Variants in DNMT3A observed in about 807,000 individuals in gnomAD.
The protein encoded by DNMT3A is DNA (cytosine-5)-methyltransferase 3A.
A neutral mutation model predicts 117.6 loss-of-function variants in DNMT3A; 267 were observed. That is an observed-to-expected ratio of 2.27 (90% CI 2.05 to 2.51). The LOEUF (loss-of-function observed/expected upper bound fraction) is 2.51, where lower values mean the gene tolerates loss of function less well. Ranked by LOEUF, DNMT3A falls within the 30% of genes most tolerant of loss-of-function variation. The probability of loss-of-function intolerance (pLI) is 0.00; values close to 1 mark genes in which losing one functional copy is unlikely to be tolerated. For synonymous variants in DNMT3A, 432 were observed against 474.8 expected (o/e 0.91, Z 1.17); for missense variants, 1,029 against 1,260.2 (o/e 0.82, Z 2.78).
intron 3 of DNMT3A, 116 bp downstream of exon 3, chr2:25,300,023 T>A: frequency 9.6e-7 from 1 of 1,039,424 alleles, no homozygotes; most frequent in African/African-American, 1.6e-5. Flanking sequence ...GTATACCCCA[T>A]CACCTGGTCT....
rs577210190 is a variant in DNMT3A, at chr2:25,233,887, T to C, written c.*392A>G. 1 of 237,902 alleles carries C rather than the reference T, an allele frequency of 4.2e-6. No homozygotes were observed. The highest frequency in any genetic ancestry group is 5.6e-5 in the Admixed American group (1 of 17,892). 14.7% of individuals were successfully genotyped at this position (237,902 alleles called of 1,614,324 possible). A position where few individuals can be genotyped will look rare whatever the true frequency, so the allele number is the denominator to read the frequency against. On this transcript the variant is annotated 3_prime_UTR_variant, in exon 23 of 23. Transcript: ENST00000321117. ...TTCCTCTGCAAGGTATTGTTACTATTTTTTGTTACTGATTTTTGCTGCAAT... is the reference window on the plus strand; with the variant it reads ...TTCCTCTGCAAGGTATTGTTACTATCTTTTGTTACTGATTTTTGCTGCAAT...
In DNMT3A at chr2:25,231,099, C is replaced by G. The variant is rs13420827; in HGVS notation, c.*3180G>C. 0.21 allele frequency: 31,808 copies of G among 152,280 alleles called. 3,636 individuals carry two copies. The highest frequency in any genetic ancestry group is 0.34 in the Admixed American group (5,239 of 15,284). 9.4% of individuals were successfully genotyped at this position (152,280 alleles called of 1,614,324 possible). A position where few individuals can be genotyped will look rare whatever the true frequency, so the allele number is the denominator to read the frequency against. ...AGCAGTGGCTTGGGAGAGCCTGAGCCTTAGAAGACTCTGTCCTGACCCTGG... is the reference window on the plus strand; with the variant it reads ...AGCAGTGGCTTGGGAGAGCCTGAGCGTTAGAAGACTCTGTCCTGACCCTGG... On this transcript the variant is annotated 3_prime_UTR_variant, in exon 23 of 23. Transcript: ENST00000321117.
At position 25,293,011 on chromosome 2, in the gene DNMT3A, G is replaced by GAA. The variant is rs74711409; in HGVS notation, c.177+7126_177+7127dup. ...AAAATAAACAGAGGGATTATTTTTG[G>GAA]AAAAAAAAAAAAAGGAGATTCTGAG... On this transcript the variant is annotated intron_variant, in intron 3 of 22. Coordinates refer to ENST00000321117, the MANE Select transcript of DNMT3A (RefSeq NM_022552.5). This position sits in a 1 kb window ranked among gnomAD's most constrained non-coding sequence, Gnocchi z 4.7. Among the ~76,000 whole-genome samples the GAA allele has an allele frequency of 3.6e-5, 5 of 139,588 alleles. No homozygotes were observed. The highest frequency in any genetic ancestry group is 7.9e-5 in the Non-Finnish European group (5 of 63,428). 91.6% of individuals were successfully genotyped at this position (139,588 alleles called of 152,430 possible). A position where few individuals can be genotyped will look rare whatever the true frequency, so the allele number is the denominator to read the frequency against.
chr2:25,294,370 G>A lies in DNMT3A; in HGVS notation c.177+5769C>T, dbSNP rs961965540. 6.6e-6 allele frequency among the ~76,000 whole-genome samples: 1 copy of A among 152,100 alleles called. No individual in the cohort carries two copies. The highest frequency in any genetic ancestry group is 1.5e-5 in the Non-Finnish European group (1 of 68,034). On this transcript the variant is annotated intron_variant, in intron 3 of 22. Coordinates refer to ENST00000321117, the MANE Select transcript of DNMT3A (RefSeq NM_022552.5). This position sits in a 1 kb window ranked among gnomAD's most constrained non-coding sequence, Gnocchi z 4.7. ...GCTCTACCTCACAAGCAGTGTGTCGGCCTGTCTTCCTCATGCCTTCCAAAA... is the reference window on the plus strand; with the variant it reads ...GCTCTACCTCACAAGCAGTGTGTCGACCTGTCTTCCTCATGCCTTCCAAAA...
intron 17 of DNMT3A, among the ~76,000 whole-genome samples, chr2:25,240,977 C>A (rs1165891769): frequency 6.6e-6 from 1 of 152,150 alleles, no homozygotes; most frequent in Non-Finnish European, 1.5e-5. Context: ...ACACAGCCAC[C>A]CACTGGGAAG....
Position 25,266,067 on chromosome 2 carries a change from A to G in DNMT3A, c.639+8874T>C, listed in dbSNP as rs542422920. Reference sequence around the variant, plus strand: ...CTAAGAGCTGTTCTCTCTGTGCCCCAGAAGTGAAGACTCTGGTGCGCAACC... The same window carrying G: ...CTAAGAGCTGTTCTCTCTGTGCCCCGGAAGTGAAGACTCTGGTGCGCAACC... On this transcript the variant is annotated intron_variant, in intron 6 of 22. Coordinates refer to ENST00000321117, the MANE Select transcript of DNMT3A (RefSeq NM_022552.5). 5.3e-5 allele frequency among the ~76,000 whole-genome samples: 8 copies of G among 152,312 alleles called. No homozygotes were observed. In the South Asian group the frequency reaches 1.2e-3, roughly 24 times the overall value.
chr2:25,245,717 TGA>T (rs1674673345), intron 12 of DNMT3A, among the ~76,000 whole-genome samples: 1 of 152,136 alleles, frequency 6.6e-6, no homozygotes, highest in Non-Finnish European at 1.5e-5. Context: ...AGCCCCAGGA[TGA>T]GAGAGGTGAG....
chr2:25,291,251 C>A (rs893905868), intron 3 of DNMT3A, among the ~76,000 whole-genome samples: 3 of 152,268 alleles, frequency 2.0e-5, no homozygotes, highest in Non-Finnish European at 4.4e-5. Flanking sequence ...CAGGAAACAG[C>A]TGCATGTCCA....
chr2:25,313,806 T>C, intron 2 of DNMT3A, 107 bp downstream of exon 2: 1 of 1,507,010 alleles, frequency 6.6e-7, no homozygotes, highest in Non-Finnish European at 9.0e-7. Flanking sequence ...TCGTGAGCAC[T>C]GAGTGATGCG....
At chr2:25,336,143 A>T (rs1478946215) in intron 1 of DNMT3A, among the ~76,000 whole-genome samples, 1 of 152,184 alleles carries the variant, frequency 6.6e-6, no homozygotes, top group Non-Finnish European at 1.5e-5. Flanking sequence ...CTGTTCTTGC[A>T]GGGGGCTGCC....
chr2:25,251,526 GC>G (rs1250199701), intron 6 of DNMT3A, among the ~76,000 whole-genome samples: 1 of 152,084 alleles, frequency 6.6e-6, no homozygotes, highest in African/African-American at 2.4e-5. Context: ...ATCTCCTCAG[GC>G]AGTTGTCCCG....
At chr2:25,326,887 T>C (rs1421628877) in intron 1 of DNMT3A, among the ~76,000 whole-genome samples, 2 of 152,122 alleles carry the variant, frequency 1.3e-5, no homozygotes, top group African/African-American at 4.8e-5. Context: ...CTCCCAGCAC[T>C]CCCCTGGGAA....
chr2:25,318,990 C>A (rs1280869168), intron 1 of DNMT3A, among the ~76,000 whole-genome samples: 1 of 148,544 alleles, frequency 6.7e-6, no homozygotes, highest in African/African-American at 2.5e-5. Flanking sequence ...TGAGCCACCA[C>A]GCCTGGCCCT....
At chr2:25,301,950 G>A (rs911497262) in intron 2 of DNMT3A, among the ~76,000 whole-genome samples, 1 of 152,178 alleles carries the variant, frequency 6.6e-6, no homozygotes, top group African/African-American at 2.4e-5. Flanking sequence ...TAATTTTTAG[G>A]TGACAGTGGG....
intron 6 of DNMT3A, among the ~76,000 whole-genome samples, chr2:25,273,795 G>A (rs1356700910): frequency 1.3e-5 from 2 of 152,130 alleles, no homozygotes; most frequent in Non-Finnish European, 2.9e-5. Context: ...ATGTCTCAGT[G>A]AATTCAGCTT....
At position 25,314,603 on chromosome 2, in the gene DNMT3A, G is replaced by A. The variant is rs556466106; in HGVS notation, c.-177-442C>T. ...CCCCCACCCCCACACCTCCCGCCAC[G>A]TGGAGGAAGTGAGTGCAGTCACAGG... On this transcript the variant is annotated intron_variant, in intron 1 of 22. Coordinates refer to ENST00000321117, the MANE Select transcript of DNMT3A (RefSeq NM_022552.5). 83 of 983,486 alleles carry A rather than the reference G, an allele frequency of 8.4e-5. 2 individuals carry two copies. The highest frequency in any genetic ancestry group is 1.4e-5 in the Non-Finnish European group (12 of 829,508). 60.9% of individuals were successfully genotyped at this position (983,486 alleles called of 1,614,324 possible). A position where few individuals can be genotyped will look rare whatever the true frequency, so the allele number is the denominator to read the frequency against.
In DNMT3A at chr2:25,236,336, A is replaced by AT. The variant is rs1673368231; in HGVS notation, c.2479-512dup. On this transcript the variant is annotated intron_variant, in intron 21 of 22. Coordinates refer to ENST00000321117, the MANE Select transcript of DNMT3A (RefSeq NM_022552.5). This position sits in a 1 kb window ranked among gnomAD's most constrained non-coding sequence, Gnocchi z 4.5. ...TGCCTCGGCCTCCCAAAGTATTGGG[A>AT]TTATAGGCGTGAGCCACCGCACCCG... Among the ~76,000 whole-genome samples the AT allele has an allele frequency of 1.3e-5, 2 of 152,192 alleles. No homozygotes were observed. The highest frequency in any genetic ancestry group is 6.5e-5 in the Admixed American group (1 of 15,282).
At chr2:25,341,289 G>A (rs2035434556) in intron 1 of DNMT3A, among the ~76,000 whole-genome samples, 1 of 144,002 alleles carries the variant, frequency 6.9e-6, no homozygotes, top group Non-Finnish European at 1.5e-5. Context: ...GCGGGGCCCG[G>A]CCCCCGCCCC....
At chr2:25,341,942 G>A (rs1038620726), upstream of DNMT3A, 2 of 686,974 alleles carry the variant, frequency 2.9e-6, no homozygotes, top group Non-Finnish European at 3.2e-6. Flanking sequence ...CCTCCCTCCC[G>A]GCCCGCCTGC....
Sources: allele counts gnomAD v4.1 joint callset (sites outside exome capture counted in the v4.1 genomes callset), GRCh38; gene constraint gnomAD v4.1.1; non-coding constraint Gnocchi (gnomAD v3.1); transcripts MANE v1.5; gene names NCBI Gene and HGNC (gene_info 2026-07-23, HGNC 2026-07-21).